Variants in CALN1 observed in about 807,000 individuals in gnomAD.
The protein encoded by CALN1 is calcium-binding protein 8.
CALN1 carries 17 observed loss-of-function variants against 30.6 expected under a neutral mutation model. The ratio of observed to expected loss-of-function variants is 0.56; its 90% CI spans 0.38 to 0.83. The LOEUF (loss-of-function observed/expected upper bound fraction) is 0.83. Among genes scored for constraint, CALN1 ranks in the 40% least tolerant of loss-of-function variants. The pLI, the probability that CALN1 is intolerant of heterozygous loss-of-function variation, is 0.00. For missense variants in CALN1, 291 were observed against 354.9 expected (o/e 0.82, Z 1.45); for synonymous variants, 156 against 131.4 (o/e 1.19, Z -1.28).
chr7:72,413,821 T>G (rs1807332882), upstream of CALN1, among the ~76,000 whole-genome samples: 1 of 151,320 alleles, frequency 6.6e-6, no homozygotes, highest in African/African-American at 2.4e-5. Flanking sequence ...TGCATTCACA[T>G]GCATGGCACA....
At chr7:71,844,624 T>C (rs1790125083) in intron 5 of CALN1, among the ~76,000 whole-genome samples, 1 of 152,034 alleles carries the variant, frequency 6.6e-6, no homozygotes, top group African/African-American at 2.4e-5. Flanking sequence ...TGGAAAGGAA[T>C]TAATATTAAA....
At chr7:72,472,423 C>T in the CALN1 span, among the ~76,000 whole-genome samples, 1 of 152,150 alleles carries the variant, frequency 6.6e-6, no homozygotes, top group Non-Finnish European at 1.5e-5. Flanking sequence ...CTCATTCTCA[C>T]CTGCCCCCAC....
chr7:71,856,571 A>T (rs1790960024), intron 5 of CALN1, among the ~76,000 whole-genome samples: 1 of 152,224 alleles, frequency 6.6e-6, no homozygotes, highest in Non-Finnish European at 1.5e-5. Flanking sequence ...CATCTGGAAA[A>T]AATAGATCAT....
chr7:72,284,202 G>A (rs951817262), intron 2 of CALN1, among the ~76,000 whole-genome samples: 1 of 152,118 alleles, frequency 6.6e-6, no homozygotes, highest in African/African-American at 2.4e-5. Flanking sequence ...GGCTGAGGTA[G>A]GAAGATCACT....
upstream of CALN1, among the ~76,000 whole-genome samples, chr7:72,414,360 G>C (rs1210149194): frequency 6.6e-6 from 1 of 152,142 alleles, no homozygotes; most frequent in African/African-American, 2.4e-5. Flanking sequence ...TTCACAATTG[G>C]GTAGAGCGAG....
At chr7:71,833,023 T>C (rs1002662236) in intron 5 of CALN1, among the ~76,000 whole-genome samples, 3 of 152,218 alleles carry the variant, frequency 2.0e-5, no homozygotes, top group Non-Finnish European at 4.4e-5. Context: ...CAGGCTTTCT[T>C]TCATCCATGG....
chr7:71,884,296 G>A (rs913815843), intron 5 of CALN1, among the ~76,000 whole-genome samples: 5 of 152,116 alleles, frequency 3.3e-5, no homozygotes, highest in African/African-American at 7.2e-5. Context: ...TGAAACATAC[G>A]CCTTAAGCAA....
At chr7:72,080,828 T>C (rs917349363) in intron 4 of CALN1, among the ~76,000 whole-genome samples, 8 of 152,110 alleles carry the variant, frequency 5.3e-5, no homozygotes, top group African/African-American at 1.9e-4. Flanking sequence ...CAGGGGAAGC[T>C]GATGGCTGTT....
Sources: allele counts gnomAD v4.1 joint callset (sites outside exome capture counted in the v4.1 genomes callset), GRCh38; gene constraint gnomAD v4.1.1; transcripts MANE v1.5; gene names NCBI Gene and HGNC (gene_info 2026-07-23, HGNC 2026-07-21).